ELP4: variants seen among roughly 807,000 people sequenced by gnomAD.
ELP4 encodes elongator acetyltransferase complex subunit 4.
A neutral mutation model predicts 48.9 loss-of-function variants in ELP4; 51 were observed. That is an observed-to-expected ratio of 1.04 (90% CI 0.83 to 1.32). The LOEUF is 1.32. Ranked by LOEUF, ELP4 falls within the 40% of genes most tolerant of loss-of-function variation. The pLI, the probability that ELP4 is intolerant of heterozygous loss-of-function variation, is 0.00. For missense variants in ELP4, 519 were observed against 514.6 expected (o/e 1.01, Z -0.08); for synonymous variants, 210 against 189.2 (o/e 1.11, Z -0.90).
At chr11:31,673,315 TTTTTTGTTTGTTTG>T (rs1020775090) in intron 9 of ELP4, among the ~76,000 whole-genome samples, 15 of 151,614 alleles carry the variant, frequency 9.9e-5, no homozygotes, top group Middle Eastern at 3.4e-3. Context: ...TAGTGGGTTG[TTTTTTGTTTGTTTG>T]TTTTTGTTTG....
intron 9 of ELP4, among the ~76,000 whole-genome samples, chr11:31,703,980 A>G (rs988044784): frequency 3.9e-5 from 6 of 152,220 alleles, no homozygotes; most frequent in African/African-American, 1.4e-4. Context: ...CTCTAACTTA[A>G]GCTACAGCAC....
At chr11:31,782,189 T>C (rs1248291899) in intron 9 of ELP4, among the ~76,000 whole-genome samples, 1 of 152,284 alleles carries the variant, frequency 6.6e-6, no homozygotes, top group East Asian at 1.9e-4. Context: ...ATTTTGATCA[T>C]GTGCACACAG....
chr11:31,572,317 G>A (rs2133958055), intron 3 of ELP4, among the ~76,000 whole-genome samples: 1 of 152,018 alleles, frequency 6.6e-6, no homozygotes, highest in African/African-American at 2.4e-5. Flanking sequence ...ATCTCTCTTG[G>A]CATTTAAAAT....
chr11:31,543,055 T>G (rs1012104542), intron 3 of ELP4, among the ~76,000 whole-genome samples: 6 of 152,068 alleles, frequency 3.9e-5, no homozygotes, highest in African/African-American at 1.4e-4. Context: ...AAGAAAAGAT[T>G]AGTAAATTTG....
chr11:31,608,167 A>G (rs1180890402), intron 5 of ELP4, among the ~76,000 whole-genome samples: 1 of 151,964 alleles, frequency 6.6e-6, no homozygotes, highest in Non-Finnish European at 1.5e-5. Flanking sequence ...AGGTTATGTT[A>G]GAGGGTATAA....
chr11:31,687,822 T>A (rs1483289074), intron 9 of ELP4: 1 of 152,228 alleles, frequency 6.6e-6, no homozygotes, highest in Non-Finnish European at 1.5e-5. Context: ...TTTCTATAAT[T>A]AATCATTCTA....
chr11:31,607,522 G>A (rs942984189), intron 5 of ELP4, among the ~76,000 whole-genome samples: 4 of 152,116 alleles, frequency 2.6e-5, no homozygotes, highest in Non-Finnish European at 5.9e-5. Flanking sequence ...TTCTATATAA[G>A]GGCCTTAATC....
chr11:31,590,683 A>T (rs1244525366), intron 3 of ELP4, among the ~76,000 whole-genome samples: 2 of 152,202 alleles, frequency 1.3e-5, no homozygotes, highest in Admixed American at 6.5e-5. Context: ...GCTTCTGAGG[A>T]TGCCTCAGGA....
intron 9 of ELP4, among the ~76,000 whole-genome samples, chr11:31,693,849 C>T (rs970381318): frequency 6.6e-6 from 1 of 152,178 alleles, no homozygotes; most frequent in Non-Finnish European, 1.5e-5. Context: ...TTAATGATCG[C>T]CACTCTAACT....
intron 9 of ELP4, among the ~76,000 whole-genome samples, chr11:31,675,268 CT>C (rs34575941): frequency 0.22 from 32,172 of 145,876 alleles, 3,978 homozygotes; most frequent in Non-Finnish European, 0.29. Flanking sequence ...TACATTTAAT[CT>C]TTTTTTTTTT....
At chr11:31,750,753 C>A (rs1947701514) in intron 9 of ELP4, among the ~76,000 whole-genome samples, 1 of 152,164 alleles carries the variant, frequency 6.6e-6, no homozygotes, top group Non-Finnish European at 1.5e-5. Context: ...TAGTGTGTTT[C>A]TTACAGGGCT....
chr11:31,703,782 T>C (rs1453491249), intron 9 of ELP4, among the ~76,000 whole-genome samples: 1 of 152,188 alleles, frequency 6.6e-6, no homozygotes, highest in African/African-American at 2.4e-5. Flanking sequence ...AAAATAAGAA[T>C]TAGTGCAATT....
rs1418314856 is a variant in ELP4, at chr11:31,638,943, G to C, written c.927+6538G>C. ...GGTGAAGAAAAATATACTTTTGTGA[G>C]TTTACAGCTATAAATTTTGGGAAAA... is the stretch of plus-strand genomic sequence containing the variant. On this transcript the variant is annotated intron_variant, in intron 7 of 9. Coordinates refer to ENST00000640961, the MANE Select transcript of ELP4 (RefSeq NM_019040.5). 1.3e-5 allele frequency among the ~76,000 whole-genome samples: 2 copies of C among 151,806 alleles called. 1 individual carries two copies. The highest frequency in any genetic ancestry group is 3.9e-4 in the East Asian group (2 of 5,158).
rs756446372 is a variant in ELP4 at position 31,594,859 on chromosome 11, G to C, written c.471G>C (p.Lys157Asn). ...ATAAAACACCAGAATCTAATATTAA[G>C]ATGAAAATAGCTTGGCGTTACCAGT... ...YNHKTPESNI[K>N]MKIAWRYQLL... The change falls in exon 4 of 10, where the codon AAG becomes AAC. Residue 157 changes from lysine (K) to asparagine (N), a missense_variant. By Grantham distance (94) the Lys-to-Asn change is moderately conservative (BLOSUM62 0). Coordinates refer to ENST00000640961, the MANE Select transcript of ELP4 (RefSeq NM_019040.5). 5 of 1,564,788 alleles carry C rather than the reference G, an allele frequency of 3.2e-6. No homozygotes were observed. Among genetic ancestry groups the C allele is most frequent in the Non-Finnish European group, 4.3e-6 (5 of 1,162,860 alleles).
At chr11:31,608,725 A>G (rs943985382) in intron 5 of ELP4, among the ~76,000 whole-genome samples, 5 of 152,110 alleles carry the variant, frequency 3.3e-5, no homozygotes, top group Non-Finnish European at 7.4e-5. Flanking sequence ...GCAGTGAAGC[A>G]TGATAAGGAA....
At chr11:31,563,991 G>T (rs1276619825) in intron 3 of ELP4, among the ~76,000 whole-genome samples, 1 of 152,106 alleles carries the variant, frequency 6.6e-6, no homozygotes. Flanking sequence ...GCATTTTCTT[G>T]AAATAGAGCT....
intron 9 of ELP4, among the ~76,000 whole-genome samples, chr11:31,737,012 G>T (rs1428014087): frequency 6.6e-6 from 1 of 152,190 alleles, no homozygotes; most frequent in Non-Finnish European, 1.5e-5. Context: ...AAAGACACAT[G>T]CACACGTATG....
intron 9 of ELP4, among the ~76,000 whole-genome samples, chr11:31,665,217 G>A (rs1290856645): frequency 2.0e-5 from 3 of 152,072 alleles, no homozygotes; most frequent in Non-Finnish European, 4.4e-5. Flanking sequence ...TCTTCTTGAT[G>A]AGCCTGAGGT....
chr11:31,701,997 TCTGA>T (rs1394123055), intron 9 of ELP4, among the ~76,000 whole-genome samples: 2 of 152,146 alleles, frequency 1.3e-5, no homozygotes, highest in African/African-American at 2.4e-5. Context: ...GAATTATGTT[TCTGA>T]CTGTCCTTTT....
Sources: allele counts gnomAD v4.1 joint callset (sites outside exome capture counted in the v4.1 genomes callset), GRCh38; gene constraint gnomAD v4.1.1; transcripts MANE v1.5; gene names NCBI Gene and HGNC (gene_info 2026-07-23, HGNC 2026-07-21).